Variants in ITGA4 observed in about 807,000 individuals in gnomAD.
ITGA4 encodes the protein integrin subunit alpha 4.
A neutral mutation model predicts 133.6 loss-of-function variants in ITGA4; 63 were observed. The observed-to-expected ratio is 0.47, with a 90% CI of 0.38 to 0.58. The LOEUF (loss-of-function observed/expected upper bound fraction) is 0.58, where lower values mean the gene tolerates loss of function less well. Among genes scored for constraint, ITGA4 ranks in the 20% least tolerant of loss-of-function variants. The pLI is 0.00. For synonymous variants in ITGA4, 483 were observed against 438.0 expected, an observed-to-expected ratio of 1.10 and a Z score of -1.28; for missense variants, 1,076 against 1,252.7, an observed-to-expected ratio of 0.86 and a Z score of 2.13.
intron 9 of ITGA4, among the ~76,000 whole-genome samples, chr2:181,485,018 T>C (rs1685882823): frequency 6.6e-6 from 1 of 152,222 alleles, no homozygotes; most frequent in African/African-American, 2.4e-5. Context: ...GTAGCTGTTA[T>C]TGCAACAGCC....
intron 15 of ITGA4, among the ~76,000 whole-genome samples, chr2:181,502,733 A>G (rs1451702842): frequency 6.6e-6 from 1 of 152,090 alleles, no homozygotes; most frequent in African/African-American, 2.4e-5. Context: ...GAGAGTAACA[A>G]AATACAGGAT....
rs1280476935 is a variant in ITGA4 at position 181,535,487 on chromosome 2, A to T, written c.3059A>T (p.Asp1020Val). 2 of 1,609,938 alleles carry T rather than the reference A, an allele frequency of 1.2e-6. No individual in the cohort carries two copies. The highest frequency in any genetic ancestry group is 2.2e-5 in the South Asian group (2 of 90,514). ...KSILQEENRR[D>V]SWSYINSKSN... ...ATCCTACAAGAAGAAAACAGAAGAG[A>T]CAGTTGGAGTTATATCAACAGTAAA... Residue 1020 changes from aspartate (D) to valine (V), a missense_variant, in exon 28 of 28, where the codon GAC becomes GTC. Coordinates refer to ENST00000397033, the MANE Select transcript of ITGA4 (RefSeq NM_000885.6).
At chr2:181,502,591 A>G (rs1462286473) in intron 15 of ITGA4, among the ~76,000 whole-genome samples, 1 of 152,034 alleles carries the variant, frequency 6.6e-6, no homozygotes, top group African/African-American at 2.4e-5. Flanking sequence ...GGTGATGGGG[A>G]CTGTAGAAGT....
intron 17 of ITGA4, among the ~76,000 whole-genome samples, chr2:181,519,818 C>T (rs369405272): frequency 2.0e-5 from 3 of 152,106 alleles, no homozygotes; most frequent in South Asian, 2.1e-4. Flanking sequence ...AAGGCTATAA[C>T]GTGACAGTAT....
rs201361965 is a variant in ITGA4, at chr2:181,535,876, C to G, written c.*349C>G. On this transcript the variant is annotated 3_prime_UTR_variant, in exon 28 of 28. Coordinates refer to ENST00000397033, the MANE Select transcript of ITGA4 (RefSeq NM_000885.6). ...GAGAAGTCTTAGACTTGAAATACTA[C>G]TTACCATATGTGCTTGCCTCAGTAA... 6.2e-6 allele frequency: 1 copy of G among 161,366 alleles called. No homozygotes were observed. Among genetic ancestry groups the G allele is most frequent in the Admixed American group, 6.3e-5 (1 of 15,960 alleles). The allele number at this position is 161,366 out of a possible 1,614,324, so 10.0% of individuals were successfully genotyped here.
At position 181,480,030 on chromosome 2, in the gene ITGA4, G is replaced by A. The variant is rs541449730; in HGVS notation, c.625-107G>A. On this transcript the variant is annotated intron_variant, in intron 5 of 27. Coordinates refer to ENST00000397033, the MANE Select transcript of ITGA4 (RefSeq NM_000885.6). Reference sequence around the variant, plus strand: ...AACTTCACAGAATATTCCTACTTCAGGAATTGATTATTATAAAAATATGTT... The same window carrying A: ...AACTTCACAGAATATTCCTACTTCAAGAATTGATTATTATAAAAATATGTT... The A allele has an allele frequency of 8.8e-6, 6 of 680,254 alleles. No individual in the cohort carries two copies. In the African/African-American group the frequency reaches 1.1e-4, roughly 13 times the overall value. The allele number at this position is 680,254 out of a possible 1,614,324, so 42.1% of individuals were successfully genotyped here. A position where few individuals can be genotyped will look rare whatever the true frequency, so the allele number is the denominator to read the frequency against.
chr2:181,464,809 A>T (rs3770135), intron 2 of ITGA4, among the ~76,000 whole-genome samples: 15,195 of 152,110 alleles, frequency 0.1, 914 homozygotes, highest in East Asian at 0.22. Context: ...CTTGGAAATG[A>T]CTGTCTTTAA....
At chr2:181,518,127 G>A (rs1254062916) in intron 17 of ITGA4, among the ~76,000 whole-genome samples, 1 of 152,024 alleles carries the variant, frequency 6.6e-6, no homozygotes, top group Non-Finnish European at 1.5e-5. Flanking sequence ...CCACCAAGCA[G>A]ATTCATACTA....
intron 9 of ITGA4, among the ~76,000 whole-genome samples, chr2:181,485,097 A>C (rs910468950): frequency 1.3e-4 from 20 of 152,142 alleles, no homozygotes; most frequent in Admixed American, 1.0e-3. Context: ...CAGTTGACTA[A>C]TCTATGCTCC....
intron 2 of ITGA4, among the ~76,000 whole-genome samples, chr2:181,459,964 A>G (rs1397256974): frequency 6.6e-6 from 1 of 151,814 alleles, no homozygotes; most frequent in African/African-American, 2.4e-5. Flanking sequence ...ATGCCTGTCA[A>G]TGGAAGGAAA....
Position 181,534,955 on chromosome 2 carries a change from C to A in ITGA4, c.3003+20C>A. 6.5e-7 allele frequency: 1 copy of A among 1,538,664 alleles called. No homozygotes were observed. Among genetic ancestry groups the A allele is most frequent in the Non-Finnish European group, 8.7e-7 (1 of 1,147,552 alleles). On this transcript the variant is annotated intron_variant, in intron 27 of 27. Transcript: ENST00000397033. ...TGGAAGGTAAGCATTTAACAATTAC[C>A]AACATTAGTCTACTAAAAATGACAT...
intron 2 of ITGA4, among the ~76,000 whole-genome samples, chr2:181,462,435 A>T (rs558818390): frequency 4.6e-5 from 7 of 152,142 alleles, no homozygotes; most frequent in Non-Finnish European, 1.0e-4. Flanking sequence ...CCTCACTTCT[A>T]CTTGATTCAT....
At chr2:181,485,631 A>G (rs576511980) in intron 9 of ITGA4, among the ~76,000 whole-genome samples, 1 of 152,298 alleles carries the variant, frequency 6.6e-6, no homozygotes, top group South Asian at 2.1e-4. Flanking sequence ...GATTTATTGG[A>G]TTTTCAAAGC....
intron 10 of ITGA4, 24 bp downstream of exon 10, chr2:181,486,016 A>G (rs155103): frequency 0.76 from 1,193,341 of 1,563,114 alleles, 457,531 homozygotes; most frequent in Admixed American, 0.79. Flanking sequence ...TCAAATTGGT[A>G]CTTGATTTCT....
Position 181,523,004 on chromosome 2 carries a change from A to G in ITGA4, c.2074-433A>G, listed in dbSNP as rs1351522353. 6.6e-6 allele frequency among the ~76,000 whole-genome samples: 1 copy of G among 152,184 alleles called. No homozygotes were observed. Among genetic ancestry groups the G allele is most frequent in the Non-Finnish European group, 1.5e-5 (1 of 68,026 alleles). ...ATTCTCACATACCAGACAGAAGAGG[A>G]CCATTAAAATATGAACCTTATGGAT... On this transcript the variant is annotated intron_variant, in intron 18 of 27. Coordinates refer to ENST00000397033, the MANE Select transcript of ITGA4 (RefSeq NM_000885.6). This position sits in a 1 kb window ranked among gnomAD's most constrained non-coding sequence, Gnocchi z 4.2.
chr2:181,526,912 A>G (rs564623634), intron 21 of ITGA4, among the ~76,000 whole-genome samples: 104 of 132,008 alleles, frequency 7.9e-4, no homozygotes, highest in African/African-American at 2.9e-3. Flanking sequence ...GCTCACTGCA[A>G]CCTCTGCTTC....
chr2:181,488,877 T>G (rs17225354), intron 10 of ITGA4, among the ~76,000 whole-genome samples: 1 of 152,060 alleles, frequency 6.6e-6, no homozygotes, highest in Non-Finnish European at 1.5e-5. Flanking sequence ...TAATTTTATC[T>G]TCTATTTTGC....
intron 5 of ITGA4, 21 bp from the exon 6 acceptor site, chr2:181,480,116 A>G (rs1402466711): frequency 3.5e-6 from 5 of 1,432,596 alleles, no homozygotes; most frequent in Admixed American, 3.0e-5. Flanking sequence ...TTAAATAATA[A>G]TAGTTTTTTT....
intron 10 of ITGA4, among the ~76,000 whole-genome samples, chr2:181,489,975 A>G (rs1366320605): frequency 6.6e-6 from 1 of 152,040 alleles, no homozygotes; most frequent in Non-Finnish European, 1.5e-5. Context: ...TGTCCCTTTT[A>G]AGGGCTCACA....
Sources: gnomAD v4.1 joint callset for allele counts (sites outside exome capture counted in the v4.1 genomes callset) on GRCh38, gnomAD v4.1.1 for gene constraint, Gnocchi (gnomAD v3.1) non-coding constraint, MANE v1.5 for transcripts, NCBI Gene and HGNC (gene_info 2026-07-23, HGNC 2026-07-21) for gene names.